TDRD5: variants seen among roughly 807,000 people sequenced by gnomAD.
TDRD5 encodes tudor domain containing 5.
TDRD5 carries 41 observed loss-of-function variants against 120.6 expected under a neutral mutation model. The ratio of observed to expected loss-of-function variants is 0.34; its 90% confidence interval spans 0.26 to 0.44. The LOEUF is 0.44. Ranked by LOEUF, TDRD5 falls within the 20% of genes least tolerant of loss-of-function variation. The pLI, the probability that TDRD5 is intolerant of heterozygous loss-of-function variation, is 1.00. For synonymous variants in TDRD5, 430 were observed against 433.7 expected (o/e 0.99, Z 0.11); for missense variants, 1,006 against 1,221.2 (o/e 0.82, Z 2.63).
Position 179,592,681 on chromosome 1 carries a change from C to G in TDRD5, c.66C>G (p.Thr22=). The part of the protein sequence containing the change: ...RKEIRSLLIS[T]KDGLSPQELE... ...AAATAAGGTCACTTCTCATTTCCAC[C>G]AAAGATGGTTTGAGCCCACAGGAGT... is the stretch of plus-strand genomic sequence containing the variant. The change falls in exon 2 of 18, where the codon ACC becomes ACG. Residue 22 remains threonine (T), a synonymous_variant. Coordinates refer to ENST00000444136, the MANE Select transcript of TDRD5 (RefSeq NM_001199085.3). The G allele has an allele frequency of 3.1e-6, 5 of 1,614,048 alleles. No homozygotes were observed. The highest frequency in any genetic ancestry group is 4.2e-6 in the Non-Finnish European group (5 of 1,180,030).
At chr1:179,671,911 A>G (rs1679872953) in intron 17 of TDRD5, among the ~76,000 whole-genome samples, 1 of 149,918 alleles carries the variant, frequency 6.7e-6, no homozygotes, top group South Asian at 2.1e-4. Context: ...TGCATATGCC[A>G]TTATTTCGTT....
chr1:179,683,275 T>G (rs147962718), intron 17 of TDRD5, among the ~76,000 whole-genome samples: 24 of 152,300 alleles, frequency 1.6e-4, no homozygotes, highest in African/African-American at 4.8e-4. Flanking sequence ...TTCATACATT[T>G]TGTCCAGTTT....
intron 17 of TDRD5, among the ~76,000 whole-genome samples, chr1:179,688,421 G>T (rs1190356131): frequency 6.6e-6 from 1 of 152,216 alleles, no homozygotes. Context: ...TACGCTGTTA[G>T]TCTGATGGCC....
chr1:179,616,509 G>A (rs996797936), intron 4 of TDRD5, among the ~76,000 whole-genome samples: 1 of 152,086 alleles, frequency 6.6e-6, no homozygotes, highest in Non-Finnish European at 1.5e-5. Context: ...TCTGTTGCCA[G>A]ATTACAGTTC....
chr1:179,600,782 G>A (rs1485863188), intron 4 of TDRD5, among the ~76,000 whole-genome samples: 3 of 152,092 alleles, frequency 2.0e-5, no homozygotes, highest in Non-Finnish European at 2.9e-5. Flanking sequence ...TATTGCTATA[G>A]CTACATCTCC....
intron 6 of TDRD5, among the ~76,000 whole-genome samples, chr1:179,629,983 T>C (rs1432028185): frequency 6.6e-6 from 1 of 150,884 alleles, no homozygotes; most frequent in Non-Finnish European, 1.5e-5. Flanking sequence ...ATTCCAACTT[T>C]TTTTTTTTTT....
chr1:179,621,351 A>C (rs1558384781), intron 6 of TDRD5, among the ~76,000 whole-genome samples: 1 of 152,128 alleles, frequency 6.6e-6, no homozygotes, highest in Non-Finnish European at 1.5e-5. Flanking sequence ...TGACAGTGTT[A>C]TACCAAGTGT....
chr1:179,646,158 A>G (rs945978330), intron 11 of TDRD5, among the ~76,000 whole-genome samples: 3 of 152,186 alleles, frequency 2.0e-5, no homozygotes, highest in Non-Finnish European at 4.4e-5. Context: ...CTTATTTTGA[A>G]GAGATCTTTA....
chr1:179,607,334 G>C (rs1283445126), intron 4 of TDRD5, among the ~76,000 whole-genome samples: 1 of 152,002 alleles, frequency 6.6e-6, no homozygotes, highest in Non-Finnish European at 1.5e-5. Context: ...AAAAAATTCT[G>C]TCCTATTTTC....
At chr1:179,688,932 G>A (rs1680927255) in intron 17 of TDRD5, among the ~76,000 whole-genome samples, 1 of 152,136 alleles carries the variant, frequency 6.6e-6, no homozygotes, top group Non-Finnish European at 1.5e-5. Flanking sequence ...GTTTATTCTA[G>A]TTAGCCATTC....
chr1:179,635,620 T>C (rs757784129), intron 8 of TDRD5, 47 bp from the exon 9 acceptor site: 4 of 1,545,894 alleles, frequency 2.6e-6, no homozygotes, highest in Non-Finnish European at 3.5e-6. Context: ...GCCATGGGGT[T>C]TGAAATGTCA....
chr1:179,671,020 A>G (rs912486897), intron 17 of TDRD5, among the ~76,000 whole-genome samples: 4 of 152,202 alleles, frequency 2.6e-5, no homozygotes, highest in African/African-American at 7.2e-5. Context: ...TCAAGTTAAT[A>G]TTTGTATAGG....
At chr1:179,637,850 A>G (rs1426501140) in intron 9 of TDRD5, among the ~76,000 whole-genome samples, 1 of 152,232 alleles carries the variant, frequency 6.6e-6, no homozygotes, top group African/African-American at 2.4e-5. Context: ...TAGGAGATAC[A>G]TGGGATATTA....
intron 17 of TDRD5, among the ~76,000 whole-genome samples, chr1:179,670,138 TC>T (rs1679780847): frequency 6.6e-6 from 1 of 152,276 alleles, no homozygotes; most frequent in African/African-American, 2.4e-5. Context: ...ACGCCTGTAA[TC>T]CCAGCACTTT....
Position 179,630,084 on chromosome 1 carries a change from A to G in TDRD5, c.973-683A>G, listed in dbSNP as rs140370779. On this transcript the variant is annotated intron_variant, in intron 6 of 17. Transcript: ENST00000444136. ...AAGCTCCACCTCCTGGGTTCATGCCATTCTCCGGGTTCATGCCATTCTCCG... is the reference window on the plus strand; with the variant it reads ...AAGCTCCACCTCCTGGGTTCATGCCGTTCTCCGGGTTCATGCCATTCTCCG... 9.2e-3 allele frequency among the ~76,000 whole-genome samples: 1,377 copies of G among 150,160 alleles called. 49 individuals are homozygous for G. The highest frequency in any genetic ancestry group is 0.065 in the East Asian group (329 of 5,086).
intron 6 of TDRD5, among the ~76,000 whole-genome samples, chr1:179,624,049 A>G (rs2101980370): frequency 6.6e-6 from 1 of 152,312 alleles, no homozygotes; most frequent in Non-Finnish European, 1.5e-5. Context: ...AGTCTATTAC[A>G]AAACAGTAGT....
At chr1:179,636,028 CTG>C (rs1677749894) in intron 9 of TDRD5, 141 bp downstream of exon 9, 3 of 535,596 alleles carry the variant, frequency 5.6e-6, no homozygotes. Context: ...GAAATTAAAA[CTG>C]TAAAATTTTA....
chr1:179,680,346 A>C (rs779522132), intron 17 of TDRD5, among the ~76,000 whole-genome samples: 1 of 152,184 alleles, frequency 6.6e-6, no homozygotes, highest in Non-Finnish European at 1.5e-5. Context: ...CTGTATCCTT[A>C]CTAGTTTTCT....
At chr1:179,639,417 G>A (rs1677922814) in intron 9 of TDRD5, among the ~76,000 whole-genome samples, 1 of 152,182 alleles carries the variant, frequency 6.6e-6, no homozygotes, top group Admixed American at 6.6e-5. Flanking sequence ...AAGAAGTAGA[G>A]AATTGTGTTT....
Sources: gnomAD v4.1 joint callset for allele counts (sites outside exome capture counted in the v4.1 genomes callset) on GRCh38, gnomAD v4.1.1 for gene constraint, MANE v1.5 for transcripts, NCBI Gene and HGNC (gene_info 2026-07-23, HGNC 2026-07-21) for gene names.